SHQ1: variants seen among roughly 807,000 people sequenced by gnomAD.
The protein encoded by SHQ1 is SHQ1, H/ACA ribonucleoprotein assembly factor, also known as protein SHQ1 homolog.
In SHQ1, 49 loss-of-function variants were observed where a neutral mutation model predicts 53.8. The observed-to-expected ratio is 0.91, with a 90% CI of 0.72 to 1.16. The LOEUF (loss-of-function observed/expected upper bound fraction) is 1.16. Ranked by LOEUF, SHQ1 falls within the 50% of genes most tolerant of loss-of-function variation. The pLI is 0.00. For synonymous variants in SHQ1, 243 were observed against 251.0 expected (o/e 0.97, Z 0.30); for missense variants, 738 against 683.1 (o/e 1.08, Z -0.90).
chr3:72,828,847 G>A (rs923399582), intron 5 of SHQ1, among the ~76,000 whole-genome samples: 4 of 152,142 alleles, frequency 2.6e-5, no homozygotes, highest in Non-Finnish European at 5.9e-5. Flanking sequence ...GACACACAAA[G>A]GAGTTAGGTA....
chr3:72,829,867 C>T (rs1024265279), intron 5 of SHQ1, among the ~76,000 whole-genome samples: 1 of 152,010 alleles, frequency 6.6e-6, no homozygotes, highest in Non-Finnish European at 1.5e-5. Flanking sequence ...TGTATGCCAA[C>T]AATTAGAAAA....
intron 9 of SHQ1, among the ~76,000 whole-genome samples, chr3:72,811,898 G>C (rs1032411029): frequency 1.3e-5 from 2 of 152,080 alleles, no homozygotes; most frequent in African/African-American, 4.8e-5. Flanking sequence ...CTCCCCAGGG[G>C]GAGAATATAA....
At chr3:72,753,779 A>G (rs1224585918) in intron 10 of SHQ1, 1 of 301,482 alleles carries the variant, frequency 3.3e-6, no homozygotes, top group Non-Finnish European at 4.9e-6. Context: ...TTAAAAGCAT[A>G]GCTATGGAAT....
chr3:72,762,749 A>ACTGCAACCT (rs1705638733), intron 10 of SHQ1, among the ~76,000 whole-genome samples: 2 of 152,056 alleles, frequency 1.3e-5, no homozygotes, highest in African/African-American at 4.8e-5. Flanking sequence ...ATCTTGGCTC[A>ACTGCAACCT]CTGCAACCTC....
downstream of SHQ1, among the ~76,000 whole-genome samples, chr3:72,748,329 CAAAAAAAAAAAAAAA>C (rs572927520): frequency 0.016 from 912 of 58,776 alleles, 12 homozygotes; most frequent in Middle Eastern, 0.019. Flanking sequence ...ATGAGGCATG[CAAAAAAAAAAAAAAA>C]AAAAAAAAAA....
chr3:72,742,619 CT>C, the SHQ1 span, among the ~76,000 whole-genome samples: 65 of 128,578 alleles, frequency 5.1e-4, no homozygotes, highest in Non-Finnish European at 5.5e-4. Context: ...TTCTTTTTTT[CT>C]TTTTTTTTTT....
At chr3:72,845,314 T>C (rs1440016618) in intron 1 of SHQ1, among the ~76,000 whole-genome samples, 1 of 152,036 alleles carries the variant, frequency 6.6e-6, no homozygotes, top group Admixed American at 6.6e-5. Context: ...AGAAACCCTA[T>C]ATCTACTAAA....
intron 10 of SHQ1, among the ~76,000 whole-genome samples, chr3:72,775,202 C>A (rs1705933831): frequency 6.6e-6 from 1 of 151,622 alleles, no homozygotes. Context: ...AACAAAAAAA[C>A]AAAGAGAGAG....
chr3:72,759,161 T>C (rs1705560423), intron 10 of SHQ1, among the ~76,000 whole-genome samples: 1 of 152,194 alleles, frequency 6.6e-6, no homozygotes. Flanking sequence ...CATGACCTCA[T>C]CTTAACTAAT....
intron 6 of SHQ1, among the ~76,000 whole-genome samples, chr3:72,819,952 G>A (rs1049770048): frequency 1.3e-5 from 2 of 152,180 alleles, no homozygotes; most frequent in African/African-American, 4.8e-5. Context: ...GAAGGTTAGA[G>A]ACAGTATTCC....
chr3:72,824,545 G>T lies in SHQ1; in HGVS notation c.606C>A (p.Asp202Glu), dbSNP rs1707588516. The T allele has an allele frequency of 1.2e-6, 2 of 1,608,518 alleles. No individual in the cohort carries two copies. Among genetic ancestry groups the T allele is most frequent in the Non-Finnish European group, 1.7e-6 (2 of 1,178,372 alleles). ...AKFDPDHYLA[D>E]FFEDEAIEQI... is the part of the protein sequence containing the mutation. Reference sequence around the variant, plus strand: ...GTTCAATCGCCTCATCTTCAAAAAAGTCAGCTCTAGGAAAAAACATTGAAA... The same window carrying T: ...GTTCAATCGCCTCATCTTCAAAAAATTCAGCTCTAGGAAAAAACATTGAAA... The change falls in exon 6 of 11, where the codon GAC (aspartate) becomes GAA (glutamate). Residue 202 changes from aspartate (D) to glutamate (E), a missense_variant. By Grantham distance (45) the Asp-to-Glu change is conservative. Transcript: ENST00000325599.
At chr3:72,740,500 C>G in the SHQ1 span, among the ~76,000 whole-genome samples, 1 of 152,194 alleles carries the variant, frequency 6.6e-6, no homozygotes, top group South Asian at 2.1e-4. Context: ...TACTGCTGGA[C>G]TTTACAGTTC....
At position 72,815,440 on chromosome 3, in the gene SHQ1, A is replaced by G. The variant is rs747840864; in HGVS notation, c.883-37T>C. The G allele has an allele frequency of 3.3e-6, 5 of 1,534,216 alleles. No individual in the cohort carries two copies. In the East Asian group the frequency reaches 9.0e-5, roughly 28 times the overall value. On this transcript the variant is annotated intron_variant, in intron 7 of 10. Coordinates refer to ENST00000325599, the MANE Select transcript of SHQ1 (RefSeq NM_018130.3). ...TTGGAGAAAAGAATACCATCACATT[A>G]GAGGTGAAGTCATTTAAATAGACCA...
chr3:72,820,609 A>G (rs766589744), intron 6 of SHQ1, among the ~76,000 whole-genome samples: 6 of 152,246 alleles, frequency 3.9e-5, no homozygotes, highest in Non-Finnish European at 8.8e-5. Context: ...ACCTAGCAGC[A>G]GTACTGGAAA....
At chr3:72,807,661 C>A (rs1387891655) in intron 9 of SHQ1, among the ~76,000 whole-genome samples, 1 of 152,190 alleles carries the variant, frequency 6.6e-6, no homozygotes, top group Non-Finnish European at 1.5e-5. Context: ...CCTTTAAAGT[C>A]TCCTCCAAAC....
At chr3:72,847,031 A>AT (rs1708356831) in intron 1 of SHQ1, among the ~76,000 whole-genome samples, 7 of 152,108 alleles carry the variant, frequency 4.6e-5, no homozygotes. Context: ...CTTTCTCCTC[A>AT]TAGCACTCAC....
chr3:72,817,625 C>T (rs980224990), intron 6 of SHQ1, among the ~76,000 whole-genome samples: 3 of 152,150 alleles, frequency 2.0e-5, no homozygotes, highest in Non-Finnish European at 4.4e-5. Context: ...TTCCTTAATT[C>T]CTGACCCTCC....
intron 9 of SHQ1, among the ~76,000 whole-genome samples, chr3:72,797,713 T>C (rs960983345): frequency 6.6e-6 from 1 of 152,234 alleles, no homozygotes; most frequent in Non-Finnish European, 1.5e-5. Flanking sequence ...ACAAATATGG[T>C]AAAGATAACC....
At chr3:72,736,750 GC>G in the SHQ1 span, among the ~76,000 whole-genome samples, 1 of 133,888 alleles carries the variant, frequency 7.5e-6, no homozygotes, top group Non-Finnish European at 1.6e-5. Flanking sequence ...CCGAGATTGT[GC>G]CACTGCACTC....
Sources: gnomAD v4.1 joint callset for allele counts (sites outside exome capture counted in the v4.1 genomes callset) on GRCh38, gnomAD v4.1.1 for gene constraint, MANE v1.5 for transcripts, NCBI Gene and HGNC (gene_info 2026-07-23, HGNC 2026-07-21) for gene names.